The following KCNIP4 variants were observed in gnomAD, a reference collection of about 807,000 sequenced individuals.
The protein encoded by KCNIP4 is potassium voltage-gated channel interacting protein 4.
A neutral mutation model predicts 34.0 loss-of-function variants in KCNIP4; 12 were observed. The observed-to-expected ratio is 0.35, with a 90% confidence interval of 0.23 to 0.57. KCNIP4 has a LOEUF of 0.57. KCNIP4 is among the 20% of genes least tolerant of loss of function. The probability of loss-of-function intolerance (pLI) is 0.83; values close to 1 mark genes in which losing one functional copy is unlikely to be tolerated. For synonymous variants in KCNIP4, 124 were observed against 102.2 expected (o/e 1.21, Z -1.29); for missense variants, 238 against 311.7 (o/e 0.76, Z 1.78).
intron 1 of KCNIP4, among the ~76,000 whole-genome samples, chr4:21,095,897 A>G (rs564584065): frequency 6.6e-6 from 1 of 152,322 alleles, no homozygotes; most frequent in African/African-American, 2.4e-5. Context: ...AAAATCCAAC[A>G]CAAATGCTGA....
intron 1 of KCNIP4, among the ~76,000 whole-genome samples, chr4:21,293,419 A>T (rs914097660): frequency 5.9e-5 from 9 of 152,166 alleles, no homozygotes; most frequent in South Asian, 2.1e-4. Flanking sequence ...CCTTCCTGTA[A>T]GTCCGAGTTC....
Position 21,562,221 on chromosome 4 carries a change from T to TA in KCNIP4, c.61+386349_61+386350insT, listed in dbSNP as rs1163497869. Among the ~76,000 whole-genome samples, 317 of 119,106 alleles carry TA rather than the reference T, an allele frequency of 2.7e-3. 1 individual carries two copies. Among genetic ancestry groups the TA allele is most frequent in the African/African-American group, 8.8e-3 (292 of 33,218 alleles). The allele number at this position is 119,106 out of a possible 152,430, so 78.1% of individuals were successfully genotyped here. ...AAAACAAATAAACCAAAGGTTTAAT[T>TA]TAAAAAAAAAATTGCTGAACCCTGG... is the stretch of plus-strand genomic sequence containing the variant. On this transcript the variant is annotated intron_variant, in intron 1 of 8. Transcript: ENST00000382152.
intron 1 of KCNIP4, among the ~76,000 whole-genome samples, chr4:21,086,957 T>G (rs1169718935): frequency 1.4e-5 from 2 of 145,392 alleles, no homozygotes; most frequent in Non-Finnish European, 3.0e-5. Context: ...CTCCCTCCCT[T>G]CCTTTTCCTT....
chr4:20,915,471 C>T (rs917640111), intron 1 of KCNIP4, among the ~76,000 whole-genome samples: 1 of 152,086 alleles, frequency 6.6e-6, no homozygotes, highest in South Asian at 2.1e-4. Flanking sequence ...TACAAGCAAT[C>T]TATTAAAATA....
intron 1 of KCNIP4, among the ~76,000 whole-genome samples, chr4:21,364,304 T>C (rs1179670247): frequency 6.6e-6 from 1 of 152,178 alleles, no homozygotes; most frequent in East Asian, 1.9e-4. Context: ...ATTGAAAGCC[T>C]GTTCAGTGCT....
intron 1 of KCNIP4, among the ~76,000 whole-genome samples, chr4:21,902,868 T>C (rs1727786649): frequency 6.6e-6 from 1 of 152,150 alleles, no homozygotes; most frequent in Non-Finnish European, 1.5e-5. Flanking sequence ...GAAGCCACCG[T>C]ATTTTCTCTC....
intron 1 of KCNIP4, among the ~76,000 whole-genome samples, chr4:21,144,526 C>A (rs1752209889): frequency 6.6e-6 from 1 of 152,040 alleles, no homozygotes; most frequent in South Asian, 2.1e-4. Flanking sequence ...ATAAAGAAAC[C>A]AAAACTCAGG....
At chr4:21,578,758 C>T (rs1466694109) in intron 1 of KCNIP4, among the ~76,000 whole-genome samples, 1 of 152,070 alleles carries the variant, frequency 6.6e-6, no homozygotes, top group Non-Finnish European at 1.5e-5. Context: ...CAAATGACTT[C>T]GTCTTGTACT....
intron 1 of KCNIP4, among the ~76,000 whole-genome samples, chr4:20,981,203 G>A (rs1489857880): frequency 1.3e-5 from 2 of 152,140 alleles, no homozygotes; most frequent in Non-Finnish European, 2.9e-5. Context: ...GCAGATCTTA[G>A]ATGTCTGACA....
At chr4:21,075,640 T>C (rs1745419988) in intron 1 of KCNIP4, among the ~76,000 whole-genome samples, 1 of 152,198 alleles carries the variant, frequency 6.6e-6, no homozygotes, top group Non-Finnish European at 1.5e-5. Flanking sequence ...TCCATTTACA[T>C]TTAAGGTTAA....
intron 1 of KCNIP4, among the ~76,000 whole-genome samples, chr4:20,996,473 G>T (rs768252726): frequency 6.6e-6 from 1 of 152,054 alleles, no homozygotes; most frequent in African/African-American, 2.4e-5. Flanking sequence ...ATAGTCTTTC[G>T]ATTTATTAAA....
intron 3 of KCNIP4, among the ~76,000 whole-genome samples, chr4:20,839,538 A>G (rs1719478850): frequency 6.7e-6 from 1 of 149,490 alleles, no homozygotes; most frequent in African/African-American, 2.4e-5. Context: ...AAGCAAATTT[A>G]TATATATATA....
intron 1 of KCNIP4, among the ~76,000 whole-genome samples, chr4:21,501,248 T>TCTCACACA (rs764571152): frequency 9.7e-4 from 101 of 104,286 alleles, no homozygotes; most frequent in African/African-American, 3.1e-3. Context: ...TCTCTCTCTC[T>TCTCACACA]CACACACACA....
intron 1 of KCNIP4, among the ~76,000 whole-genome samples, chr4:20,913,508 A>G (rs1334955571): frequency 6.6e-6 from 1 of 152,212 alleles, no homozygotes; most frequent in Non-Finnish European, 1.5e-5. Context: ...ACTGGATTGT[A>G]TATTTTAAAA....
chr4:21,392,986 G>A (rs1244948548), intron 1 of KCNIP4, among the ~76,000 whole-genome samples: 2 of 152,036 alleles, frequency 1.3e-5, no homozygotes, highest in African/African-American at 2.4e-5. Context: ...AAACCTAAGG[G>A]GGCTTCTTTT....
At chr4:21,300,907 T>C (rs118151487) in intron 1 of KCNIP4, among the ~76,000 whole-genome samples, 1,543 of 152,292 alleles carry the variant, frequency 0.01, 19 homozygotes, top group East Asian at 0.04. Flanking sequence ...CCCAGTTTTC[T>C]CATTTTAGAA....
intron 1 of KCNIP4, among the ~76,000 whole-genome samples, chr4:21,065,543 C>T (rs13130838): frequency 6.6e-6 from 1 of 151,704 alleles, no homozygotes; most frequent in East Asian, 1.9e-4. Flanking sequence ...TAATGTACTG[C>T]TAAAGGACAA....
chr4:21,589,670 T>G (rs1742023709), intron 1 of KCNIP4, among the ~76,000 whole-genome samples: 1 of 151,944 alleles, frequency 6.6e-6, no homozygotes, highest in Admixed American at 6.6e-5. Flanking sequence ...ATGCTTCCTT[T>G]AATTCTCTCT....
intron 1 of KCNIP4, among the ~76,000 whole-genome samples, chr4:21,862,384 T>C (rs1375359446): frequency 6.6e-6 from 1 of 152,116 alleles, no homozygotes; most frequent in East Asian, 1.9e-4. Flanking sequence ...CAGAATAAAA[T>C]AAAATTCTCT....
Sources: allele counts gnomAD v4.1 joint callset (sites outside exome capture counted in the v4.1 genomes callset), GRCh38; gene constraint gnomAD v4.1.1; transcripts MANE v1.5; gene names NCBI Gene and HGNC (gene_info 2026-07-23, HGNC 2026-07-21).